GALNT16: variants seen among roughly 807,000 people sequenced by gnomAD.
GALNT16 encodes polypeptide N-acetylgalactosaminyltransferase 16, also known as UDP-GalNAc:polypeptide N-acetylgalactosaminyltransferase-like protein 1.
In GALNT16, 40 loss-of-function variants were observed where a neutral mutation model predicts 76.1. The ratio of observed to expected loss-of-function variants is 0.53; its 90% CI spans 0.41 to 0.68. GALNT16 has a LOEUF of 0.68. Ranked by LOEUF, GALNT16 falls within the 30% of genes least tolerant of loss-of-function variation. The pLI, the probability that GALNT16 is intolerant of heterozygous loss-of-function variation, is 0.00. For synonymous variants in GALNT16, 276 were observed against 285.2 expected (o/e 0.97, Z 0.32); for missense variants, 621 against 731.9 (o/e 0.85, Z 1.75).
chr14:69,380,536 AATTATTTCCCAGC>A, the GALNT16 span: 1 of 1,515,864 alleles, frequency 6.6e-7, no homozygotes, highest in Non-Finnish European at 9.1e-7. Context: ...CTTCCAACAC[AATTATTTCCCAGC>A]CTGTTGGGCC....
intron 1 of GALNT16, among the ~76,000 whole-genome samples, chr14:69,309,298 C>G (rs929232577): frequency 8.7e-5 from 13 of 150,272 alleles, no homozygotes; most frequent in Non-Finnish European, 1.8e-4. Context: ...CTTTCTTTTC[C>G]TTCTTTTTTT....
In GALNT16 at chr14:69,320,794, A is replaced by C. The variant is rs1215363834; in HGVS notation, c.261A>C (p.Arg87Ser). ...KQLKAGEDPY[R>S]QHAFNQLESD... ...TGAAGGCTGGAGAGGACCCCTACAG[A>C]CAGCACGCCTTCAACCAGCTGGAGA... Residue 87 changes from arginine (R) to serine (S), a missense_variant, in exon 2 of 15, where the codon AGA (arginine) becomes AGC (serine). By Grantham distance (110) the Arg-to-Ser change is moderately radical (BLOSUM62 -1). Coordinates refer to ENST00000448469, the MANE Select transcript of GALNT16 (RefSeq NM_001168368.2). 1 of 1,614,046 alleles carries C rather than the reference A, an allele frequency of 6.2e-7. No homozygotes were observed. Among genetic ancestry groups the C allele is most frequent in the Non-Finnish European group, 8.5e-7 (1 of 1,180,004 alleles).
At chr14:69,345,673 C>T (rs1477875954) in intron 12 of GALNT16, among the ~76,000 whole-genome samples, 3 of 133,802 alleles carry the variant, frequency 2.2e-5, no homozygotes, top group Admixed American at 1.5e-4. Flanking sequence ...GGGCCGGCAG[C>T]TTCCTCAGGT....
chr14:69,260,274 G>T lies in GALNT16; in HGVS notation c.-17G>T. The T allele has an allele frequency of 6.2e-7, 1 of 1,611,130 alleles. No homozygotes were observed. The highest frequency in any genetic ancestry group is 8.5e-7 in the Non-Finnish European group (1 of 1,178,644). On this transcript the variant is annotated 5_prime_UTR_variant, in exon 1 of 15. Coordinates refer to ENST00000448469, the MANE Select transcript of GALNT16 (RefSeq NM_001168368.2). ...ACGCCGGCCCAGTCCCCCACCTGGG[G>T]CGCCCGTCTGCCCACCATGAGGAAG...
At chr14:69,386,105 T>C in the GALNT16 span, among the ~76,000 whole-genome samples, 1 of 152,150 alleles carries the variant, frequency 6.6e-6, no homozygotes, top group African/African-American at 2.4e-5. Context: ...GTGATCAAAG[T>C]GAAATGGCTA....
At chr14:69,276,146 T>C (rs2044468301) in intron 1 of GALNT16, among the ~76,000 whole-genome samples, 1 of 151,982 alleles carries the variant, frequency 6.6e-6, no homozygotes, top group African/African-American at 2.4e-5. Context: ...TCCCACAGCA[T>C]GTGGGAACTC....
chr14:69,356,382 C>T (rs934700290), downstream of GALNT16: 4 of 152,230 alleles, frequency 2.6e-5, no homozygotes, highest in Admixed American at 6.5e-5. Flanking sequence ...CACCTGTAAT[C>T]CCAAATATTC....
the GALNT16 span, among the ~76,000 whole-genome samples, chr14:69,376,795 C>T: frequency 6.6e-6 from 1 of 152,048 alleles, no homozygotes; most frequent in African/African-American, 2.4e-5. Context: ...CTGGGAGAAA[C>T]AATGAATACC....
intron 1 of GALNT16, among the ~76,000 whole-genome samples, chr14:69,303,203 T>C (rs1400640593): frequency 6.6e-6 from 1 of 152,170 alleles, no homozygotes; most frequent in Non-Finnish European, 1.5e-5. Flanking sequence ...CCCTGACCCA[T>C]TGTTACTGGT....
chr14:69,299,089 C>T (rs1260084567), intron 1 of GALNT16, among the ~76,000 whole-genome samples: 1 of 152,194 alleles, frequency 6.6e-6, no homozygotes, highest in East Asian at 1.9e-4. Flanking sequence ...GGACAGGTGT[C>T]CATATCTAGG....
Position 69,333,369 on chromosome 14 carries a change from A to T in GALNT16, c.864-128A>T. 2 of 721,500 alleles carry T rather than the reference A, an allele frequency of 2.8e-6. No homozygotes were observed. The highest frequency in any genetic ancestry group is 4.9e-6 in the Non-Finnish European group (2 of 409,388). 44.7% of individuals were successfully genotyped at this position (721,500 alleles called of 1,614,324 possible). ...GATGTGGGGGGCCAGGGAGCTGGCC[A>T]GACATCCTGCCCCAGTGACTCTGCA... On this transcript the variant is annotated intron_variant, in intron 8 of 14. Coordinates refer to ENST00000448469, the MANE Select transcript of GALNT16 (RefSeq NM_001168368.2). The surrounding 1 kb of genome is among the most constrained non-coding windows in gnomAD (Gnocchi z 4.2).
chr14:69,343,749 G>A (rs534696082), intron 12 of GALNT16, among the ~76,000 whole-genome samples: 2 of 152,256 alleles, frequency 1.3e-5, no homozygotes, highest in South Asian at 4.1e-4. Context: ...GGGAGGCCTG[G>A]GAATGCCCTT....
Position 69,352,011 on chromosome 14 carries a change from C to T in GALNT16, c.1540-20C>T, listed in dbSNP as rs911670292. ...CATTGTTTTCTCCTTCCTCTTCTAA[C>T]CCATCTCTGTTCCTCCTAGAAATGG... On this transcript the variant is annotated intron_variant, in intron 14 of 14. Coordinates refer to ENST00000448469, the MANE Select transcript of GALNT16 (RefSeq NM_001168368.2). 6.3e-7 allele frequency: 1 copy of T among 1,599,930 alleles called. No individual in the cohort carries two copies. Among genetic ancestry groups the T allele is most frequent in the Non-Finnish European group, 8.5e-7 (1 of 1,172,364 alleles).
At position 69,354,463 on chromosome 14, in the gene GALNT16, T is replaced by C. The variant is rs1207696287; in HGVS notation, c.*2295T>C. 6.5e-6 allele frequency: 1 copy of C among 152,776 alleles called. No individual in the cohort carries two copies. The highest frequency in any genetic ancestry group is 1.5e-5 in the Non-Finnish European group (1 of 68,108). The allele number at this position is 152,776 out of a possible 1,614,324, so 9.5% of individuals were successfully genotyped here. A position where few individuals can be genotyped will look rare whatever the true frequency, so the allele number is the denominator to read the frequency against. On this transcript the variant is annotated 3_prime_UTR_variant, in exon 15 of 15. Coordinates refer to ENST00000448469, the MANE Select transcript of GALNT16 (RefSeq NM_001168368.2). The stretch of plus-strand genomic sequence containing the variant: ...ACCTGGAATAAAACCACTTCTTACA[T>C]GTCCACATGCACCAGCGCCTTCCTT...
Position 69,326,044 on chromosome 14 carries a change from T to C in GALNT16, c.568+17T>C. 6.2e-7 allele frequency: 1 copy of C among 1,605,670 alleles called. No homozygotes were observed. Among genetic ancestry groups the C allele is most frequent in the Non-Finnish European group, 8.5e-7 (1 of 1,172,498 alleles). ...GGCGGGAAGGTGAGTCCTTGCACCC[T>C]GGGTCCCACCAAGGGCCCATCTTGG... On this transcript the variant is annotated intron_variant, in intron 5 of 14. Transcript: ENST00000448469.
At chr14:69,308,055 C>T (rs971766383) in intron 1 of GALNT16, among the ~76,000 whole-genome samples, 6 of 152,192 alleles carry the variant, frequency 3.9e-5, no homozygotes, top group African/African-American at 1.2e-4. Context: ...TCCTCTCCCT[C>T]CTCCACTTTC....
At chr14:69,382,585 G>A in the GALNT16 span, among the ~76,000 whole-genome samples, 1 of 151,868 alleles carries the variant, frequency 6.6e-6, no homozygotes, top group African/African-American at 2.4e-5. Flanking sequence ...TGTAATCCCA[G>A]CACTTTGGGA....
At chr14:69,348,329 G>A in intron 14 of GALNT16, 1 of 519,474 alleles carries the variant, frequency 1.9e-6, no homozygotes, top group South Asian at 3.1e-5. Context: ...CTGACAGTCT[G>A]TGCTAGAAGT....
At chr14:69,272,521 A>G (rs762644149) in intron 1 of GALNT16, among the ~76,000 whole-genome samples, 4 of 152,204 alleles carry the variant, frequency 2.6e-5, no homozygotes, top group Non-Finnish European at 5.9e-5. Flanking sequence ...TTCCTCCCCT[A>G]CTGACCCTGT....
Sources: allele counts gnomAD v4.1 joint callset (sites outside exome capture counted in the v4.1 genomes callset), GRCh38; gene constraint gnomAD v4.1.1; non-coding constraint Gnocchi (gnomAD v3.1); transcripts MANE v1.5; gene names NCBI Gene and HGNC (gene_info 2026-07-23, HGNC 2026-07-21).